ZSWIM6: variants seen among roughly 807,000 people sequenced by gnomAD.
ZSWIM6 encodes zinc finger SWIM-type containing 6.
Under a neutral mutation model 113.2 loss-of-function variants are expected in ZSWIM6, and 9 were observed. The observed-to-expected ratio is 0.08, with a 90% CI of 0.05 to 0.14. The LOEUF (loss-of-function observed/expected upper bound fraction) is 0.14, where lower values mean the gene tolerates loss of function less well. Ranked by LOEUF, ZSWIM6 falls within the 10% of genes least tolerant of loss-of-function variation. ZSWIM6 has a pLI of 1.00. For synonymous variants in ZSWIM6, 611 were observed against 606.5 expected, an observed-to-expected ratio of 1.01 and a Z score of -0.11; for missense variants, 1,162 against 1,552.2, an observed-to-expected ratio of 0.75 and a Z score of 4.22.
chr5:61,343,927 C>G (rs1744600472), intron 1 of ZSWIM6, among the ~76,000 whole-genome samples: 1 of 150,320 alleles, frequency 6.7e-6, no homozygotes, highest in Admixed American at 6.6e-5. Context: ...TCTCTTGTCA[C>G]CCAGGCTGGA....
intron 1 of ZSWIM6, among the ~76,000 whole-genome samples, chr5:61,345,152 A>G (rs1344701645): frequency 1.3e-5 from 2 of 152,170 alleles, no homozygotes; most frequent in Admixed American, 1.3e-4. Context: ...TGGAGTCTGA[A>G]TTAGTTTATA....
intron 1 of ZSWIM6, among the ~76,000 whole-genome samples, chr5:61,368,151 C>A (rs912024369): frequency 6.6e-6 from 1 of 152,026 alleles, no homozygotes; most frequent in African/African-American, 2.4e-5. Flanking sequence ...TCTACCTACA[C>A]GGTAGGATTG....
At chr5:61,534,649 C>G (rs1749528739) in intron 9 of ZSWIM6, among the ~76,000 whole-genome samples, 1 of 152,074 alleles carries the variant, frequency 6.6e-6, no homozygotes, top group South Asian at 2.1e-4. Context: ...AGTGGTTGAA[C>G]TAACCACTGT....
intron 1 of ZSWIM6, among the ~76,000 whole-genome samples, chr5:61,397,733 A>T (rs2112099337): frequency 6.6e-6 from 1 of 152,302 alleles, no homozygotes; most frequent in Admixed American, 6.5e-5. Context: ...TTTTGTTGTG[A>T]GTGACTTCTG....
At chr5:61,398,289 C>T (rs1745880458) in intron 1 of ZSWIM6, among the ~76,000 whole-genome samples, 1 of 152,162 alleles carries the variant, frequency 6.6e-6, no homozygotes, top group Non-Finnish European at 1.5e-5. Context: ...GAGGGTGAAC[C>T]TTATTGTGAA....
chr5:61,355,410 G>C (rs893488223), intron 1 of ZSWIM6, among the ~76,000 whole-genome samples: 1 of 147,104 alleles, frequency 6.8e-6, no homozygotes, highest in Admixed American at 6.9e-5. Context: ...TTTACAGTGC[G>C]AATCTCTTGA....
At chr5:61,505,997 C>T (rs888254921) in intron 4 of ZSWIM6, among the ~76,000 whole-genome samples, 4 of 151,950 alleles carry the variant, frequency 2.6e-5, no homozygotes, top group Non-Finnish European at 4.4e-5. Flanking sequence ...CCACCCACCT[C>T]GACCTCCCAA....
chr5:61,443,808 A>C (rs1236308856), intron 1 of ZSWIM6, among the ~76,000 whole-genome samples: 1 of 152,128 alleles, frequency 6.6e-6, no homozygotes, highest in South Asian at 2.1e-4. Flanking sequence ...AAAATCTTTT[A>C]TTATCATTAC....
intron 2 of ZSWIM6, 60 bp from the exon 3 acceptor site, chr5:61,490,726 T>C (rs1748156192): frequency 6.7e-7 from 1 of 1,483,656 alleles, no homozygotes. Flanking sequence ...TCTTAATTAA[T>C]CCTTTTAGCA....
intron 1 of ZSWIM6, among the ~76,000 whole-genome samples, chr5:61,433,437 C>G (rs1369228304): frequency 6.7e-6 from 1 of 150,306 alleles, no homozygotes; most frequent in Non-Finnish European, 1.5e-5. Flanking sequence ...AGCTTAGCCT[C>G]TTGACCACAG....
chr5:61,406,644 A>G (rs1267553859), intron 1 of ZSWIM6, among the ~76,000 whole-genome samples: 2 of 152,028 alleles, frequency 1.3e-5, no homozygotes, highest in South Asian at 2.1e-4. Flanking sequence ...CAAAAAGCCT[A>G]AGTCTTTAAA....
At chr5:61,479,040 G>A (rs775553539) in intron 2 of ZSWIM6, among the ~76,000 whole-genome samples, 35 of 151,876 alleles carry the variant, frequency 2.3e-4, no homozygotes, top group Non-Finnish European at 3.1e-4. Context: ...GCATGGTGGC[G>A]TGTGCCTGTA....
At chr5:61,381,505 C>A (rs571467165) in intron 1 of ZSWIM6, among the ~76,000 whole-genome samples, 165 of 152,272 alleles carry the variant, frequency 1.1e-3, no homozygotes, top group Non-Finnish European at 2.0e-3. Context: ...ATCTATCCTA[C>A]ACAAAGCTCA....
intron 1 of ZSWIM6, among the ~76,000 whole-genome samples, chr5:61,360,225 C>T (rs1252260509): frequency 3.0e-5 from 3 of 101,666 alleles, no homozygotes; most frequent in Non-Finnish European, 5.5e-5. Context: ...TCGCTAGAAC[C>T]AGGAAACAAA....
In ZSWIM6 at chr5:61,340,160, A is replaced by G. The variant is rs114195889; in HGVS notation, c.676+7212A>G. Among the ~76,000 whole-genome samples the G allele has an allele frequency of 4.0e-3, 612 of 152,292 alleles. 1 individual carries two copies. The highest frequency in any genetic ancestry group is 0.014 in the African/African-American group (573 of 41,544). On this transcript the variant is annotated intron_variant, in intron 1 of 13. Coordinates refer to ENST00000252744, the MANE Select transcript of ZSWIM6 (RefSeq NM_020928.2). The stretch of plus-strand genomic sequence containing the variant: ...CATTTCCTTATTTTTTTTCATCTAG[A>G]AAAGATCCCTAAAGCAAGCTTCAGA...
At chr5:61,537,671 G>A (rs34195965) in intron 10 of ZSWIM6, among the ~76,000 whole-genome samples, 2,263 of 152,246 alleles carry the variant, frequency 0.015, 46 homozygotes, top group South Asian at 0.042. Context: ...AAGGAGAAGA[G>A]AATGAGCCAT....
At chr5:61,501,730 T>C (rs1748470803) in intron 4 of ZSWIM6, among the ~76,000 whole-genome samples, 1 of 152,208 alleles carries the variant, frequency 6.6e-6, no homozygotes, top group Non-Finnish European at 1.5e-5. Context: ...TGTTGTGTGT[T>C]AGTAGCTTTA....
intron 1 of ZSWIM6, among the ~76,000 whole-genome samples, chr5:61,350,535 T>G (rs1048940734): frequency 3.3e-5 from 5 of 152,236 alleles, no homozygotes; most frequent in African/African-American, 1.2e-4. Flanking sequence ...CTCCATGGGT[T>G]TGATGTCACC....
At chr5:61,355,473 CACACACACACACACACACACACA>C (rs1744882873) in intron 1 of ZSWIM6, among the ~76,000 whole-genome samples, 1 of 149,004 alleles carries the variant, frequency 6.7e-6, no homozygotes, top group Admixed American at 7.0e-5. Flanking sequence ...CACACACACA[CACACACACACACACACACACACA>C]CTATTAGATG....
Sources: allele counts gnomAD v4.1 joint callset (sites outside exome capture counted in the v4.1 genomes callset), GRCh38; gene constraint gnomAD v4.1.1; transcripts MANE v1.5; gene names NCBI Gene and HGNC (gene_info 2026-07-23, HGNC 2026-07-21).